Variants in MAD2L2 observed in about 807,000 individuals in gnomAD.
The protein encoded by MAD2L2 is mitotic spindle assembly checkpoint protein MAD2B.
In MAD2L2, 17 loss-of-function variants were observed where a neutral mutation model predicts 30.5. The ratio of observed to expected loss-of-function variants is 0.56; its 90% CI spans 0.38 to 0.84. MAD2L2 has a LOEUF of 0.84. Ranked by LOEUF, MAD2L2 falls within the 40% of genes least tolerant of loss-of-function variation. MAD2L2 has a pLI of 0.00. For synonymous variants in MAD2L2, 101 were observed against 113.9 expected (o/e 0.89, Z 0.72); for missense variants, 213 against 277.4 (o/e 0.77, Z 1.65).
In MAD2L2 at chr1:11,677,078, G is replaced by A. The variant is rs1640782915; in HGVS notation, c.232-130C>T. The A allele has an allele frequency of 3.2e-5, 24 of 746,664 alleles. 1 individual carries two copies. The South Asian group carries it at 3.4e-4, about 11-fold the overall frequency. The allele number at this position is 746,664 out of a possible 1,614,324, so 46.3% of individuals were successfully genotyped here. A position where few individuals can be genotyped will look rare whatever the true frequency, so the allele number is the denominator to read the frequency against. On this transcript the variant is annotated intron_variant, in intron 4 of 8. Coordinates refer to ENST00000376692, the MANE Select transcript of MAD2L2 (RefSeq NM_006341.4). The stretch of plus-strand genomic sequence containing the variant: ...CAGCCCTGCTCAGCTGCTAGGCTGG[G>A]GGTCCCCAAGAGGCCAGATAGCGAG...
chr1:11,678,547 TTCCAGAAAAAGGA>T (rs933189137), intron 3 of MAD2L2, among the ~76,000 whole-genome samples: 1 of 152,226 alleles, frequency 6.6e-6, no homozygotes, highest in Non-Finnish European at 1.5e-5. Flanking sequence ...TTGGGCATTT[TTCCAGAAAAAGGA>T]TCCAGGAAAA....
chr1:11,689,698 T>C (rs1641026910), intron 1 of MAD2L2, among the ~76,000 whole-genome samples: 1 of 152,212 alleles, frequency 6.6e-6, no homozygotes, highest in Admixed American at 6.5e-5. Context: ...CCAGCAACCC[T>C]TGGTGCTGTG....
At chr1:11,678,302 T>C (rs1034347065) in intron 3 of MAD2L2, among the ~76,000 whole-genome samples, 2 of 151,674 alleles carry the variant, frequency 1.3e-5, no homozygotes, top group African/African-American at 4.8e-5. Flanking sequence ...TCCCAGCTAC[T>C]TGGGAGGCTG....
chr1:11,680,816 G>A (rs1231152963), intron 1 of MAD2L2: 2 of 1,265,782 alleles, frequency 1.6e-6, no homozygotes, highest in Non-Finnish European at 1.0e-6. Flanking sequence ...TCCACTGGCC[G>A]CCCGCGCCCC....
upstream of MAD2L2, among the ~76,000 whole-genome samples, chr1:11,683,186 T>C (rs576433859): frequency 2.0e-5 from 3 of 152,136 alleles, no homozygotes; most frequent in Admixed American, 1.3e-4. Flanking sequence ...GTGAGGGGCA[T>C]TGGGGCTCAA....
intron 3 of MAD2L2, among the ~76,000 whole-genome samples, chr1:11,679,985 G>GT (rs70983583): frequency 0.033 from 2,863 of 87,454 alleles, 249 homozygotes; most frequent in Non-Finnish European, 0.037. Flanking sequence ...AGTGGAAGAG[G>GT]TTTTTTTTTT....
At chr1:11,691,153 G>T (rs916194590) in intron 1 of MAD2L2, among the ~76,000 whole-genome samples, 4 of 143,056 alleles carry the variant, frequency 2.8e-5, no homozygotes, top group Non-Finnish European at 6.1e-5. Flanking sequence ...TCCCCGTCCC[G>T]CCTCCCCCGC....
At chr1:11,677,423 T>C in intron 4 of MAD2L2, 120 bp downstream of exon 4, 1 of 972,116 alleles carries the variant, frequency 1.0e-6, no homozygotes, top group Non-Finnish European at 1.6e-6. Flanking sequence ...CTTCTGGGTA[T>C]TGGAGCCATG....
intron 7 of MAD2L2, among the ~76,000 whole-genome samples, chr1:11,675,418 G>A (rs988319532): frequency 6.6e-6 from 1 of 152,304 alleles, no homozygotes; most frequent in South Asian, 2.1e-4. Context: ...CCTCCCTGGA[G>A]AGCCCCCACT....
intron 7 of MAD2L2, 143 bp from the exon 8 acceptor site, chr1:11,675,317 A>AG (rs1553167897): frequency 1.5e-5 from 9 of 618,262 alleles, no homozygotes; most frequent in Non-Finnish European, 2.5e-5. Flanking sequence ...AGACCCCAGG[A>AG]CCGCCCCCAT....
Position 11,674,963 on chromosome 1 carries a change from G to T in MAD2L2, c.594+119C>A. 1.6e-6 allele frequency: 2 copies of T among 1,260,508 alleles called. No homozygotes were observed. The highest frequency in any genetic ancestry group is 2.3e-6 in the Non-Finnish European group (2 of 881,532). 78.1% of individuals were successfully genotyped at this position (1,260,508 alleles called of 1,614,324 possible). On this transcript the variant is annotated intron_variant, in intron 8 of 8. Coordinates refer to ENST00000376692, the MANE Select transcript of MAD2L2 (RefSeq NM_006341.4). This position sits in a 1 kb window ranked among gnomAD's most constrained non-coding sequence, Gnocchi z 6.1. ...GTGGAGAAGAGTAGAGATGGGAGGA[G>T]CCCTCCACCAGGCACTCCCCCGTTC...
chr1:11,677,242 T>C, intron 4 of MAD2L2: 1 of 595,962 alleles, frequency 1.7e-6, no homozygotes, highest in Non-Finnish European at 3.0e-6. Context: ...ACAGAACGTT[T>C]AGCGTGGAGA....
At chr1:11,679,165 A>AAAAAT (rs1189461469) in intron 3 of MAD2L2, among the ~76,000 whole-genome samples, 3 of 152,250 alleles carry the variant, frequency 2.0e-5, no homozygotes, top group South Asian at 2.1e-4. Context: ...CTCAGTCTCA[A>AAAAAT]AAAATAAAAT....
At position 11,680,490 on chromosome 1, in the gene MAD2L2, C is replaced by T. The variant is rs368554902; in HGVS notation, c.41-19G>A. 1 of 1,612,162 alleles carries T rather than the reference C, an allele frequency of 6.2e-7. No individual in the cohort carries two copies. The highest frequency in any genetic ancestry group is 8.5e-7 in the Non-Finnish European group (1 of 1,178,710). ...GCCACCACTGCAGGGGGGCACAAGC[C>T]GGTGGCGCGCTCGAGGAAGCCCGCC... On this transcript the variant is annotated intron_variant, in intron 2 of 8. Coordinates refer to ENST00000376692, the MANE Select transcript of MAD2L2 (RefSeq NM_006341.4).
Sources: allele counts gnomAD v4.1 joint callset (sites outside exome capture counted in the v4.1 genomes callset), GRCh38; gene constraint gnomAD v4.1.1; non-coding constraint Gnocchi (gnomAD v3.1); transcripts MANE v1.5; gene names NCBI Gene and HGNC (gene_info 2026-07-23, HGNC 2026-07-21).